AR: variants seen among roughly 807,000 people sequenced by gnomAD.
AR encodes androgen receptor, also known as dihydrotestosterone receptor.
In AR, 8 loss-of-function variants were observed where a neutral mutation model predicts 53.9. That is an observed-to-expected ratio of 0.15 (90% CI 0.09 to 0.27). The LOEUF is 0.27. Among genes scored for constraint, AR ranks in the 10% least tolerant of loss-of-function variants. The probability of loss-of-function intolerance (pLI) is 1.00; values close to 1 mark genes in which losing one functional copy is unlikely to be tolerated. For synonymous variants in AR, 359 were observed against 316.4 expected (o/e 1.13, Z -1.43); for missense variants, 639 against 742.5 (o/e 0.86, Z 1.62).
At chrX:67,652,492 A>G (rs7052941) in intron 2 of AR, among the ~76,000 whole-genome samples, 2 of 112,291 alleles carry the variant, frequency 1.8e-5, no homozygotes, top group Non-Finnish European at 1.9e-5. Context: ...ATCTGGTCAA[A>G]CCATTTCATG....
intron 1 of AR, chrX:67,568,893 A>G (rs1921673445): frequency 4.2e-6 from 5 of 1,203,749 alleles, no homozygotes; most frequent in East Asian, 3.0e-5. Context: ...CTTCTTGCCT[A>G]TGCAAATGCC....
rs1238789359 is a variant in AR, at chrX:67,695,855, C to G, written c.1885+9729C>G. 3 of 749,967 alleles carry G rather than the reference C, an allele frequency of 4.0e-6. No homozygotes were observed. In the African/African-American group the frequency reaches 7.1e-5, roughly 18 times the overall value. The allele number at this position is 749,967 out of a possible 1,213,427, so 61.8% of individuals were successfully genotyped here. On this transcript the variant is annotated intron_variant, in intron 3 of 7. Transcript: ENST00000374690. ...CACACATACACACACACTTCTTTCT[C>G]TTTCCCCTGACTCAGCAACATTCTG...
At chrX:67,691,028 ATAGGCAT>A (rs1361697694) in intron 3 of AR, among the ~76,000 whole-genome samples, 1 of 112,086 alleles carries the variant, frequency 8.9e-6, no homozygotes, top group Non-Finnish European at 1.9e-5. Context: ...TGAGCATGGG[ATAGGCAT>A]GATGACATTG....
chrX:67,637,513 T>C (rs1327476612), intron 1 of AR, among the ~76,000 whole-genome samples: 2 of 109,091 alleles, frequency 1.8e-5, no homozygotes, highest in Non-Finnish European at 3.8e-5. Flanking sequence ...GAACTCATCC[T>C]TTTTTATGGC....
At chrX:67,563,556 C>G (rs1303438632) in intron 1 of AR, among the ~76,000 whole-genome samples, 1 of 111,893 alleles carries the variant, frequency 8.9e-6, no homozygotes, top group East Asian at 2.8e-4. Context: ...CTCTGGCTGA[C>G]ATACATGGGC....
rs1327744655 is a variant in AR at position 67,545,645 on chromosome X, C to A, written c.499C>A (p.Leu167Met). 1 of 1,195,467 alleles carries A rather than the reference C, an allele frequency of 8.4e-7. No individual in the cohort carries two copies. Among genetic ancestry groups the A allele is most frequent in the East Asian group, 3.0e-5 (1 of 33,090 alleles). Residue 167 changes from leucine (L) to methionine (M), a missense_variant, in exon 1 of 8, where the codon CTG (leucine) becomes ATG (methionine). This residue lies in a region of AR where 423 missense variants were observed against 377.0 expected (regional missense o/e 1.12). Transcript: ENST00000374690. Reference protein sequence around the residue: ...DSAAPSTLSLLGPTFPGLSSC... With the variant: ...DSAAPSTLSLMGPTFPGLSSC... ...AGCTGCCCCATCCACGTTGTCCCTG[C>A]TGGGCCCCACTTTCCCCGGCTTAAG... is the stretch of plus-strand genomic sequence containing the variant.
At chrX:67,659,644 G>T (rs766778586) in intron 2 of AR, among the ~76,000 whole-genome samples, 50 of 111,627 alleles carry the variant, frequency 4.5e-4, no homozygotes, top group Non-Finnish European at 8.5e-4. Flanking sequence ...TGGTTCCAAG[G>T]CTTTGCTATT....
At chrX:67,627,867 T>G (rs2087101840) in intron 1 of AR, among the ~76,000 whole-genome samples, 1 of 112,063 alleles carries the variant, frequency 8.9e-6, no homozygotes, top group Non-Finnish European at 1.9e-5. Context: ...CTAGCCAGTT[T>G]TTCCAGCACC....
At chrX:67,636,613 T>C (rs897586319) in intron 1 of AR, among the ~76,000 whole-genome samples, 2 of 112,120 alleles carry the variant, frequency 1.8e-5, no homozygotes, top group African/African-American at 6.5e-5. Flanking sequence ...TGTTCCTGCA[T>C]GTGCCTCCTA....
intron 1 of AR, among the ~76,000 whole-genome samples, chrX:67,558,235 G>T (rs148587631): frequency 9.8e-4 from 110 of 112,403 alleles, no homozygotes; most frequent in African/African-American, 2.8e-3. Context: ...TGAGAACAAA[G>T]AATTATACAT....
At chrX:67,580,168 A>G (rs1386809940) in intron 1 of AR, among the ~76,000 whole-genome samples, 8 of 100,276 alleles carry the variant, frequency 8.0e-5, no homozygotes, top group East Asian at 6.0e-4. Flanking sequence ...TCCTCAAGGG[A>G]AAAAAAAAAA....
Position 67,580,764 on chromosome X carries a change from C to T in AR, c.1616+34002C>T, listed in dbSNP as rs191346329. Among the ~76,000 whole-genome samples, 13 of 111,269 alleles carry T rather than the reference C, an allele frequency of 1.2e-4. No homozygotes were observed. The East Asian group carries it at 3.7e-3, about 32-fold the overall frequency. On this transcript the variant is annotated intron_variant, in intron 1 of 7. Coordinates refer to ENST00000374690, the MANE Select transcript of AR (RefSeq NM_000044.6). ...CTTTGAAGTGCCTATTCCAATTTGTCATTATGAATGAGTTTTTTTGTTCTG... is the reference window on the plus strand; with the variant it reads ...CTTTGAAGTGCCTATTCCAATTTGTTATTATGAATGAGTTTTTTTGTTCTG...
chrX:67,636,608 C>T (rs1925448278), intron 1 of AR, among the ~76,000 whole-genome samples: 1 of 111,747 alleles, frequency 8.9e-6, no homozygotes, highest in Admixed American at 9.6e-5. Flanking sequence ...ATGACTGTTC[C>T]TGCATGTGCC....
intron 1 of AR, among the ~76,000 whole-genome samples, chrX:67,614,451 C>T (rs556610623): frequency 3.6e-4 from 40 of 111,245 alleles, no homozygotes; most frequent in African/African-American, 1.2e-3. Flanking sequence ...AATGGGATGC[C>T]AGTCTCAACC....
intron 1 of AR, among the ~76,000 whole-genome samples, chrX:67,633,691 A>T (rs1384838510): frequency 8.9e-6 from 1 of 111,910 alleles, no homozygotes; most frequent in Admixed American, 9.5e-5. Flanking sequence ...AAATGGAAAA[A>T]CAAAATGTGG....
intron 2 of AR, among the ~76,000 whole-genome samples, chrX:67,681,484 C>G (rs1479122922): frequency 8.9e-6 from 1 of 112,408 alleles, no homozygotes; most frequent in African/African-American, 3.2e-5. Context: ...TTTGGATCCA[C>G]TTTCCAGATT....
At chrX:67,546,818 G>A (rs1433908171) in intron 1 of AR, 56 bp downstream of exon 1, 31 of 1,137,511 alleles carry the variant, frequency 2.7e-5, no homozygotes, top group Non-Finnish European at 4.7e-6. Context: ...GTCACTCTGT[G>A]TTCTGGGGTA....
At chrX:67,682,794 T>C (rs1308514436) in intron 2 of AR, among the ~76,000 whole-genome samples, 1 of 111,924 alleles carries the variant, frequency 8.9e-6, no homozygotes, top group East Asian at 2.8e-4. Context: ...TTGGAAGCAG[T>C]CTTGAGAGAT....
intron 2 of AR, among the ~76,000 whole-genome samples, chrX:67,660,014 T>G (rs1431319874): frequency 8.9e-6 from 1 of 112,336 alleles, no homozygotes. Context: ...AAATGTCTTC[T>G]TTGAGACGTG....
Sources: gnomAD v4.1 joint callset for allele counts (sites outside exome capture counted in the v4.1 genomes callset) on GRCh38, gnomAD v4.1.1 for gene constraint, gnomAD v4.1.1 regional missense constraint, MANE v1.5 for transcripts, NCBI Gene and HGNC (gene_info 2026-07-23, HGNC 2026-07-21) for gene names.